The following ADAM32 variants were observed in gnomAD, a reference collection of about 807,000 sequenced individuals.
ADAM32 encodes disintegrin and metalloproteinase domain-containing protein 32.
ADAM32 carries 89 observed loss-of-function variants against 114.9 expected under a neutral mutation model. The observed-to-expected ratio is 0.77, with a 90% CI of 0.65 to 0.92. The LOEUF is 0.92. Among genes scored for constraint, ADAM32 ranks in the 40% least tolerant of loss-of-function variants. ADAM32 has a pLI of 0.00. For synonymous variants in ADAM32, 285 were observed against 307.5 expected (o/e 0.93, Z 0.77); for missense variants, 870 against 932.8 (o/e 0.93, Z 0.88).
chr8:39,151,850 C>T (rs145609860), intron 6 of ADAM32, among the ~76,000 whole-genome samples: 26 of 151,000 alleles, frequency 1.7e-4, no homozygotes, highest in African/African-American at 6.1e-4. Context: ...GAGACAGAGT[C>T]TCTACAAAAA....
At chr8:39,135,248 A>G (rs10808916) in intron 2 of ADAM32, among the ~76,000 whole-genome samples, 151,322 of 152,356 alleles carry the variant, frequency 0.99, 75,151 homozygotes, top group Middle Eastern at 1. Context: ...AGCTAGTGTC[A>G]CCAATGCAAA....
intron 11 of ADAM32, among the ~76,000 whole-genome samples, chr8:39,197,184 A>G (rs1807066611): frequency 6.6e-6 from 1 of 151,948 alleles, no homozygotes; most frequent in Non-Finnish European, 1.5e-5. Context: ...ATCTGTTGTA[A>G]TGTCTCGTTA....
At chr8:39,266,196 T>G (rs1209191022) in intron 19 of ADAM32, among the ~76,000 whole-genome samples, 1 of 152,190 alleles carries the variant, frequency 6.6e-6, no homozygotes, top group Non-Finnish European at 1.5e-5. Context: ...ATCCTGAATT[T>G]GCATGTCAAC....
chr8:39,244,493 C>T (rs1810765673), intron 16 of ADAM32, among the ~76,000 whole-genome samples: 1 of 152,098 alleles, frequency 6.6e-6, no homozygotes, highest in African/African-American at 2.4e-5. Flanking sequence ...GAAATAAAGC[C>T]AAGTATTTAC....
At chr8:39,162,706 G>GT (rs1804589863) in intron 7 of ADAM32, among the ~76,000 whole-genome samples, 1 of 140,694 alleles carries the variant, frequency 7.1e-6, no homozygotes, top group Non-Finnish European at 1.6e-5. Flanking sequence ...ATATTCTTTA[G>GT]TAAAAAAAAA....
At chr8:39,257,980 C>CAGT (rs1811763241) in intron 19 of ADAM32, among the ~76,000 whole-genome samples, 1 of 152,086 alleles carries the variant, frequency 6.6e-6, no homozygotes, top group African/African-American at 2.4e-5. Flanking sequence ...AGGATGTCTA[C>CAGT]ACTGAATGTT....
At chr8:39,245,871 A>G (rs975517496) in intron 16 of ADAM32, among the ~76,000 whole-genome samples, 2 of 152,202 alleles carry the variant, frequency 1.3e-5, no homozygotes, top group African/African-American at 2.4e-5. Flanking sequence ...ACATAGTAAT[A>G]ATAATATCAA....
intron 19 of ADAM32, among the ~76,000 whole-genome samples, chr8:39,263,560 G>C (rs189413136): frequency 6.2e-4 from 94 of 152,078 alleles, no homozygotes; most frequent in Non-Finnish European, 9.9e-4. Context: ...TTGGAATAGG[G>C]CTTTTAAAAA....
rs752179563 is a variant in ADAM32, at chr8:39,257,332, C to T, written c.2151C>T (p.Phe717=). The T allele has an allele frequency of 9.9e-6, 16 of 1,612,748 alleles. No individual in the cohort carries two copies. Among genetic ancestry groups the T allele is most frequent in the Non-Finnish European group, 1.4e-5 (16 of 1,179,304 alleles). ...LKKWFAKEEE[F]PSSESKSEGS... ...AGTGGTTCGCCAAGGAAGAGGAATT[C>T]CCAAGTAGCGAGTAAATTGCATTTG... The change falls in exon 19 of 25, where the codon TTC becomes TTT. Residue 717 remains phenylalanine, a synonymous_variant. Transcript: ENST00000379907.
intron 10 of ADAM32, among the ~76,000 whole-genome samples, chr8:39,172,615 A>G (rs1265693118): frequency 6.6e-6 from 1 of 152,194 alleles, no homozygotes; most frequent in Non-Finnish European, 1.5e-5. Context: ...TTTGCTGAGG[A>G]TAATGGCTTC....
chr8:39,244,946 G>A (rs1810807151), intron 16 of ADAM32, among the ~76,000 whole-genome samples: 1 of 152,226 alleles, frequency 6.6e-6, no homozygotes, highest in Admixed American at 6.5e-5. Context: ...ATTGTCTTAG[G>A]TAAAGAGTTC....
intron 11 of ADAM32, among the ~76,000 whole-genome samples, chr8:39,198,499 C>G (rs1807164907): frequency 6.6e-6 from 1 of 151,992 alleles, no homozygotes; most frequent in Non-Finnish European, 1.5e-5. Flanking sequence ...TGCCTCAGCC[C>G]CTCAAGTAGC....
chr8:39,158,454 T>C, intron 6 of ADAM32: 1 of 223,432 alleles, frequency 4.5e-6, no homozygotes, highest in Non-Finnish European at 8.8e-6. Flanking sequence ...ACTACCACCA[T>C]GGGCAGTGTC....
intron 2 of ADAM32, among the ~76,000 whole-genome samples, chr8:39,133,023 G>T (rs1228094355): frequency 6.6e-6 from 1 of 151,992 alleles, no homozygotes; most frequent in Non-Finnish European, 1.5e-5. Context: ...ATTTTGAATG[G>T]TTTTGGCCAT....
chr8:39,251,374 G>C (rs1811292361), intron 17 of ADAM32, among the ~76,000 whole-genome samples: 1 of 135,726 alleles, frequency 7.4e-6, no homozygotes, highest in Non-Finnish European at 1.6e-5. Flanking sequence ...TGGTCTTTTT[G>C]TTACAAAAAA....
Position 39,169,906 on chromosome 8 carries a change from A to G in ADAM32, c.834-10A>G, listed in dbSNP as rs767338476. The G allele has an allele frequency of 4.6e-6, 7 of 1,520,652 alleles. No homozygotes were observed. The South Asian group carries it at 6.2e-5, about 14-fold the overall frequency. 94.2% of individuals were successfully genotyped at this position (1,520,652 alleles called of 1,614,324 possible). A position where few individuals can be genotyped will look rare whatever the true frequency, so the allele number is the denominator to read the frequency against. On this transcript the variant is annotated splice_polypyrimidine_tract_variant and intron_variant, in intron 9 of 24. Transcript: ENST00000379907. ...TAAAATCAATTATAAATGTAAATTT[A>G]TTTATTTAGTTATATGGATTATCCT...
At chr8:39,222,911 A>G in intron 13 of ADAM32, 129 bp from the exon 14 acceptor site, 1 of 637,948 alleles carries the variant, frequency 1.6e-6, no homozygotes, top group Non-Finnish European at 2.5e-6. Context: ...AGTAATTTGT[A>G]CAAAAAAGTA....
chr8:39,233,427 G>T (rs1349583099), intron 15 of ADAM32, among the ~76,000 whole-genome samples: 2 of 152,138 alleles, frequency 1.3e-5, no homozygotes, highest in Non-Finnish European at 2.9e-5. Context: ...GTATCTTTTA[G>T]CATGCTAATG....
intron 16 of ADAM32, among the ~76,000 whole-genome samples, chr8:39,240,051 T>A (rs1034548874): frequency 6.6e-6 from 1 of 152,190 alleles, no homozygotes; most frequent in Non-Finnish European, 1.5e-5. Flanking sequence ...AACACAGTAC[T>A]TAAATTATAC....
Sources: gnomAD v4.1 joint callset for allele counts (sites outside exome capture counted in the v4.1 genomes callset) on GRCh38, gnomAD v4.1.1 for gene constraint, MANE v1.5 for transcripts, NCBI Gene and HGNC (gene_info 2026-07-23, HGNC 2026-07-21) for gene names.